Variants in TNMD observed in about 807,000 individuals in gnomAD.
The protein encoded by TNMD is tenomodulin, also known as BRICHOS domain containing 4.
A neutral mutation model predicts 26.9 loss-of-function variants in TNMD; 15 were observed. The ratio of observed to expected loss-of-function variants is 0.56; its 90% CI spans 0.37 to 0.86. TNMD has a LOEUF of 0.86. Among genes scored for constraint, TNMD ranks in the 40% least tolerant of loss-of-function variants. The probability of loss-of-function intolerance (pLI) is 0.00; values close to 1 mark genes in which losing one functional copy is unlikely to be tolerated. For synonymous variants in TNMD, 73 were observed against 77.0 expected (o/e 0.95, Z 0.27); for missense variants, 222 against 242.6 (o/e 0.92, Z 0.56).
In TNMD at chrX:100,594,036, G is replaced by A. The variant is rs972248454; in HGVS notation, c.321+1G>A. 6 of 1,205,233 alleles carry A rather than the reference G, an allele frequency of 5.0e-6. No individual in the cohort carries two copies. The highest frequency in any genetic ancestry group is 5.6e-6 in the Non-Finnish European group (5 of 892,869). Reference sequence around the variant, plus strand: ...ATTGGAAGTGCACGACTTTAAAAACGTAAGTTGGATGTTTTCCTCCTAAGG... The same window carrying A: ...ATTGGAAGTGCACGACTTTAAAAACATAAGTTGGATGTTTTCCTCCTAAGG... On this transcript the variant is annotated splice_donor_variant, in intron 3 of 6. Coordinates refer to ENST00000373031, the MANE Select transcript of TNMD (RefSeq NM_022144.3). LOFTEE classifies it high-confidence loss of function.
intron 2 of TNMD, among the ~76,000 whole-genome samples, chrX:100,591,091 A>G (rs1160521047): frequency 9.0e-6 from 1 of 111,693 alleles, no homozygotes; most frequent in Non-Finnish European, 1.9e-5. Flanking sequence ...TGGGAAGAGA[A>G]AGGGGAAGGG....
intron 2 of TNMD, among the ~76,000 whole-genome samples, chrX:100,590,802 A>G (rs1238414824): frequency 9.0e-6 from 1 of 111,682 alleles, no homozygotes; most frequent in Non-Finnish European, 1.9e-5. Flanking sequence ...GCCCCCAAAT[A>G]TCTCCCATTC....
intron 2 of TNMD, among the ~76,000 whole-genome samples, chrX:100,592,119 G>A (rs1371145276): frequency 9.0e-6 from 1 of 111,522 alleles, no homozygotes; most frequent in African/African-American, 3.3e-5. Flanking sequence ...GCCCCCAATG[G>A]CTAGTGGCAT....
intron 2 of TNMD, among the ~76,000 whole-genome samples, chrX:100,588,124 C>T (rs984038677): frequency 2.7e-5 from 3 of 111,631 alleles, no homozygotes; most frequent in African/African-American, 9.8e-5. Context: ...TTTAACATCC[C>T]ACATCTGGTG....
intron 2 of TNMD, chrX:100,593,252 T>C (rs996758447): frequency 1.6e-6 from 1 of 616,796 alleles, no homozygotes; most frequent in African/African-American, 2.5e-5. Flanking sequence ...CACAAAAGAA[T>C]CCGTAGAACT....
chrX:100,589,560 C>T (rs139469428), intron 2 of TNMD, among the ~76,000 whole-genome samples: 14 of 110,386 alleles, frequency 1.3e-4, no homozygotes, highest in African/African-American at 4.3e-4. Context: ...TCTCCTAAGG[C>T]AGCATTTGCT....
intron 4 of TNMD, 49 bp downstream of exon 4, chrX:100,594,411 G>A: frequency 1.2e-6 from 1 of 823,463 alleles, no homozygotes; most frequent in Non-Finnish European, 1.7e-6. Flanking sequence ...TTTATTGGAT[G>A]CTAGCTATGT....
Position 100,599,558 on chromosome X carries a change from T to C in TNMD, c.795T>C (p.Cys265=), listed in dbSNP as rs754219199. 2 of 1,210,605 alleles carry C rather than the reference T, an allele frequency of 1.7e-6. No homozygotes were observed. The highest frequency in any genetic ancestry group is 3.5e-5 in the South Asian group (2 of 56,656). Residue 265 remains cysteine, a synonymous_variant, in exon 7 of 7, where the codon TGT becomes TGC. Transcript: ENST00000373031. ...CCATGCTGGATGAGAGAGGTTATTG[T>C]TGTATTTACTGCCGTCGAGGCAACC... The part of the protein sequence containing the change: ...FDPMLDERGY[C]CIYCRRGNRY...
At position 100,594,373 on chromosome X, in the gene TNMD, A is replaced by G. The variant is rs752788425; in HGVS notation, c.423+11A>G. On this transcript the variant is annotated intron_variant, in intron 4 of 6. Coordinates refer to ENST00000373031, the MANE Select transcript of TNMD (RefSeq NM_022144.3). Reference sequence around the variant, plus strand: ...GAGGAAATAGATGAGGTATGTAAGAAGAATAATTGTGGTGGCAAAAGACAT... The same window carrying G: ...GAGGAAATAGATGAGGTATGTAAGAGGAATAATTGTGGTGGCAAAAGACAT... The G allele has an allele frequency of 2.0e-5, 22 of 1,081,507 alleles. No homozygotes were observed. The South Asian group carries it at 4.5e-4, about 22-fold the overall frequency. 89.1% of individuals were successfully genotyped at this position (1,081,507 alleles called of 1,213,427 possible). A position where few individuals can be genotyped will look rare whatever the true frequency, so the allele number is the denominator to read the frequency against.
chrX:100,593,415 T>C, intron 2 of TNMD: 2 of 739,802 alleles, frequency 2.7e-6, no homozygotes, highest in Middle Eastern at 7.8e-4. Context: ...AGGGCTCTAA[T>C]ATTGGCAAGG....
At chrX:100,596,906 T>G (rs1212850105) in intron 4 of TNMD, among the ~76,000 whole-genome samples, 1 of 112,194 alleles carries the variant, frequency 8.9e-6, no homozygotes, top group East Asian at 2.8e-4. Context: ...AGGAATGCAA[T>G]AGTAGGAAGG....
intron 5 of TNMD, 101 bp downstream of exon 5, chrX:100,597,758 G>A (rs763597004): frequency 2.1e-5 from 19 of 899,440 alleles, no homozygotes; most frequent in Non-Finnish European, 2.8e-5. Context: ...ACAAATGATC[G>A]GTTTATATCT....
intron 4 of TNMD, among the ~76,000 whole-genome samples, chrX:100,595,876 A>C (rs1334170475): frequency 1.8e-5 from 2 of 112,381 alleles, no homozygotes; most frequent in East Asian, 5.6e-4. Flanking sequence ...TATAGAAGGC[A>C]AAGGTAAGAT....
rs185936992 is a variant in TNMD at position 100,586,567 on chromosome X, C to T, written c.180+1205C>T. Among the ~76,000 whole-genome samples, 570 of 111,942 alleles carry T rather than the reference C, an allele frequency of 5.1e-3. 5 individuals are homozygous for T. Among genetic ancestry groups the T allele is most frequent in the African/African-American group, 0.017 (530 of 30,819 alleles). On this transcript the variant is annotated intron_variant, in intron 2 of 6. Transcript: ENST00000373031. ...TTCTCCACCTCTGCTGTCATACCCACTTTCATTTAGTCCCAAAGGATATCT... is the reference window on the plus strand; with the variant it reads ...TTCTCCACCTCTGCTGTCATACCCATTTTCATTTAGTCCCAAAGGATATCT...
At chrX:100,592,503 G>C (rs1236590519) in intron 2 of TNMD, among the ~76,000 whole-genome samples, 2 of 111,909 alleles carry the variant, frequency 1.8e-5, no homozygotes, top group Non-Finnish European at 3.8e-5. Flanking sequence ...ATAAGGATGT[G>C]CCATTGGTGG....
Position 100,594,016 on chromosome X carries a change from A to C in TNMD, c.302A>C (p.Glu101Ala), listed in dbSNP as rs1168376625. The C allele has an allele frequency of 8.3e-7, 1 of 1,207,816 alleles. No homozygotes were observed. The highest frequency in any genetic ancestry group is 1.8e-5 in the African/African-American group (1 of 56,861). ...RSGNGTDETL[E>A]VHDFKNGYTG... The stretch of plus-strand genomic sequence containing the variant: ...GGAAATGGCACTGATGAAACATTGG[A>C]AGTGCACGACTTTAAAAACGTAAGT... Residue 101 changes from glutamate to alanine, a missense_variant, in exon 3 of 7, where the codon GAA becomes GCA. Transcript: ENST00000373031.
chrX:100,587,850 TC>T (rs1238909398), intron 2 of TNMD, among the ~76,000 whole-genome samples: 1 of 111,601 alleles, frequency 9.0e-6, no homozygotes, highest in East Asian at 2.8e-4. Flanking sequence ...TTAAAGACTC[TC>T]CCCTTAATGG....
At chrX:100,588,835 A>T (rs1417309660) in intron 2 of TNMD, among the ~76,000 whole-genome samples, 1 of 111,886 alleles carries the variant, frequency 8.9e-6, no homozygotes, top group African/African-American at 3.2e-5. Context: ...TTACTGCCTT[A>T]CATAGGAGCT....
At chrX:100,593,495 A>C in intron 2 of TNMD, 1 of 437,451 alleles carries the variant, frequency 2.3e-6, no homozygotes, top group Non-Finnish European at 2.9e-6. Flanking sequence ...CTGGATAAAT[A>C]AGGAGACAAA....
Sources: gnomAD v4.1 joint callset for allele counts (sites outside exome capture counted in the v4.1 genomes callset) on GRCh38, gnomAD v4.1.1 for gene constraint, MANE v1.5 for transcripts, NCBI Gene and HGNC (gene_info 2026-07-23, HGNC 2026-07-21) for gene names.